Variants in ADAMTSL1 observed in about 807,000 individuals in gnomAD.
ADAMTSL1 encodes ADAMTS like 1, also known as ADAMTS-like protein 1.
In ADAMTSL1, 126 loss-of-function variants were observed where a neutral mutation model predicts 201.8. The ratio of observed to expected loss-of-function variants is 0.62; its 90% CI spans 0.54 to 0.72. The LOEUF is 0.72. ADAMTSL1 is among the 30% of genes least tolerant of loss of function. ADAMTSL1 has a pLI of 0.00. For synonymous variants in ADAMTSL1, 1,121 were observed against 903.4 expected, an observed-to-expected ratio of 1.24 and a Z score of -4.32; for missense variants, 2,679 against 2,277.8, an observed-to-expected ratio of 1.18 and a Z score of -3.59.
chr9:18,283,931 G>GAAAA (rs1832894044), intron 2 of ADAMTSL1, among the ~76,000 whole-genome samples: 1 of 64,870 alleles, frequency 1.5e-5, no homozygotes, highest in Non-Finnish European at 2.8e-5. Context: ...AAAAAAAAAA[G>GAAAA]AAGAAGAAGA....
intron 2 of ADAMTSL1, among the ~76,000 whole-genome samples, chr9:18,204,394 C>T (rs1829566192): frequency 1.3e-5 from 2 of 152,050 alleles, no homozygotes; most frequent in African/African-American, 2.4e-5. Flanking sequence ...TCCACTTTGC[C>T]TTCCACCATG....
chr9:18,390,645 G>A (rs1274083000), intron 2 of ADAMTSL1, among the ~76,000 whole-genome samples: 3 of 152,150 alleles, frequency 2.0e-5, no homozygotes, highest in African/African-American at 7.2e-5. Flanking sequence ...TCTCAGGAGT[G>A]TTGACAAACT....
chr9:18,837,637 A>T (rs1825398678), intron 23 of ADAMTSL1, among the ~76,000 whole-genome samples: 1 of 152,162 alleles, frequency 6.6e-6, no homozygotes, highest in Admixed American at 6.5e-5. Context: ...ACTCAAGGGG[A>T]TCCTCTGCAG....
intron 8 of ADAMTSL1, among the ~76,000 whole-genome samples, chr9:18,660,385 A>G (rs1214289505): frequency 1.3e-5 from 2 of 152,224 alleles, no homozygotes; most frequent in East Asian, 1.9e-4. Context: ...AATACCTTAT[A>G]AAACTTTAGA....
In ADAMTSL1 at chr9:18,068,791, A is replaced by T. The variant is rs111673987; in HGVS notation, c.88-95071A>T. Among the ~76,000 whole-genome samples, 806 of 152,356 alleles carry T rather than the reference A, an allele frequency of 5.3e-3. 6 individuals are homozygous for T. The highest frequency in any genetic ancestry group is 0.018 in the African/African-American group (751 of 41,586). ...CTAAGGTTATAAAAGCAAGTAAGAT[A>T]CATCTTTGCATTCAAGAAGCTCACA... On this transcript the variant is annotated intron_variant, in intron 1 of 29. Coordinates refer to the ADAMTSL1 transcript ENST00000680146.
chr9:18,676,833 G>A (rs1830159194), intron 10 of ADAMTSL1, among the ~76,000 whole-genome samples: 1 of 152,044 alleles, frequency 6.6e-6, no homozygotes, highest in Non-Finnish European at 1.5e-5. Context: ...ATTTTGAACT[G>A]TAAGGGTTTG....
At chr9:18,667,822 T>C (rs1829548992) in intron 9 of ADAMTSL1, among the ~76,000 whole-genome samples, 1 of 152,206 alleles carries the variant, frequency 6.6e-6, no homozygotes, top group Admixed American at 6.5e-5. Context: ...GTTCTCTGTT[T>C]GTTGTTTTAA....
In ADAMTSL1 at chr9:18,848,202, C is replaced by T. The variant is rs74943984; in HGVS notation, c.4249+18225C>T. On this transcript the variant is annotated intron_variant, in intron 23 of 28. Coordinates refer to ENST00000380548, the MANE Select transcript of ADAMTSL1 (RefSeq NM_001040272.6). Reference sequence around the variant, plus strand: ...GATCCCCATTGCACAGTAGAGTCAGCTGGGAAGTTTAGAAAAAAATATTCC... The same window carrying T: ...GATCCCCATTGCACAGTAGAGTCAGTTGGGAAGTTTAGAAAAAAATATTCC... 5.6e-3 allele frequency among the ~76,000 whole-genome samples: 846 copies of T among 152,264 alleles called. 8 individuals carry two copies. The highest frequency in any genetic ancestry group is 0.019 in the African/African-American group (787 of 41,560).
chr9:18,861,189 C>T (rs1006070845), intron 23 of ADAMTSL1, among the ~76,000 whole-genome samples: 28 of 152,086 alleles, frequency 1.8e-4, no homozygotes, highest in Admixed American at 1.7e-3. Context: ...TATACACATC[C>T]CTCTTTTGAT....
At chr9:18,510,714 T>A (rs759711616) in intron 2 of ADAMTSL1, among the ~76,000 whole-genome samples, 48 of 152,022 alleles carry the variant, frequency 3.2e-4, no homozygotes, top group Non-Finnish European at 1.0e-4. Flanking sequence ...TAACTTTTAC[T>A]AATCTAGTAT....
At chr9:18,838,523 T>C (rs1236291684) in intron 23 of ADAMTSL1, among the ~76,000 whole-genome samples, 1 of 151,760 alleles carries the variant, frequency 6.6e-6, no homozygotes, top group African/African-American at 2.4e-5. Context: ...TAAAAATAAA[T>C]AAATAAATAA....
At chr9:17,936,203 C>T (rs1183207251) in intron 1 of ADAMTSL1, among the ~76,000 whole-genome samples, 2 of 152,064 alleles carry the variant, frequency 1.3e-5, no homozygotes, top group Non-Finnish European at 2.9e-5. Context: ...TTTACTGGTG[C>T]CTTATGTCAT....
chr9:18,719,835 G>A (rs1833225900), intron 14 of ADAMTSL1, among the ~76,000 whole-genome samples: 1 of 152,196 alleles, frequency 6.6e-6, no homozygotes, highest in South Asian at 2.1e-4. Context: ...ACTTCTTGGA[G>A]AAACACAGCA....
chr9:18,625,024 A>G (rs1028030382), intron 5 of ADAMTSL1, among the ~76,000 whole-genome samples: 5 of 152,166 alleles, frequency 3.3e-5, no homozygotes, highest in Admixed American at 2.6e-4. Context: ...ATGTTTCTCT[A>G]CTCTGGAAGA....
At chr9:18,682,450 T>G (rs1830562431) in intron 12 of ADAMTSL1, among the ~76,000 whole-genome samples, 1 of 152,182 alleles carries the variant, frequency 6.6e-6, no homozygotes, top group East Asian at 1.9e-4. Context: ...TCCAGAACCA[T>G]AATTTAAAAT....
chr9:18,036,720 G>T (rs989246646), intron 1 of ADAMTSL1, among the ~76,000 whole-genome samples: 1 of 152,080 alleles, frequency 6.6e-6, no homozygotes, highest in African/African-American at 2.4e-5. Context: ...CATTGATATG[G>T]GTTTCCTCTA....
rs368355150 is a variant in ADAMTSL1 at position 18,441,373 on chromosome 9, C to G, written c.208-63456C>G. Among the ~76,000 whole-genome samples, 32 of 152,270 alleles carry G rather than the reference C, an allele frequency of 2.1e-4. 1 individual carries two copies. Among genetic ancestry groups the G allele is most frequent in the African/African-American group, 7.7e-4 (32 of 41,556 alleles). ...CTCCATTCATTCTTCTAATAGCTGG[C>G]CCTCTTTGGGGAAATCCAGACTACT... On this transcript the variant is annotated intron_variant, in intron 2 of 29. Coordinates refer to the ADAMTSL1 transcript ENST00000680146.
intron 1 of ADAMTSL1, among the ~76,000 whole-genome samples, chr9:17,924,005 T>C (rs1826415235): frequency 1.5e-5 from 2 of 132,954 alleles, no homozygotes; most frequent in South Asian, 6.1e-4. Flanking sequence ...AGCTTTTTGA[T>C]GTGCTGCTGG....
intron 14 of ADAMTSL1, among the ~76,000 whole-genome samples, chr9:18,719,757 G>C (rs570905825): frequency 7.2e-5 from 11 of 152,254 alleles, no homozygotes; most frequent in African/African-American, 2.4e-4. Context: ...TTAAATGATG[G>C]CCTTCCTAAG....
Sources: gnomAD v4.1 joint callset for allele counts (sites outside exome capture counted in the v4.1 genomes callset) on GRCh38, gnomAD v4.1.1 for gene constraint, MANE v1.5 for transcripts, NCBI Gene and HGNC (gene_info 2026-07-23, HGNC 2026-07-21) for gene names.